The following CCDC91 variants were observed in gnomAD, a reference collection of about 807,000 sequenced individuals.
The protein encoded by CCDC91 is coiled-coil domain-containing protein 91.
Under a neutral mutation model 63.2 loss-of-function variants are expected in CCDC91, and 48 were observed. The ratio of observed to expected loss-of-function variants is 0.76; its 90% CI spans 0.60 to 0.97. CCDC91 has a LOEUF of 0.97. Ranked by LOEUF, CCDC91 falls within the 50% of genes least tolerant of loss-of-function variation. CCDC91 has a pLI of 0.00. For synonymous variants in CCDC91, 167 were observed against 165.8 expected, an observed-to-expected ratio of 1.01 and a Z score of -0.06; for missense variants, 500 against 494.6, an observed-to-expected ratio of 1.01 and a Z score of -0.10.
In CCDC91 at chr12:28,532,529, C is replaced by CA. The variant is rs527498056; in HGVS notation, c.1216-16533dup. Among the ~76,000 whole-genome samples the CA allele has an allele frequency of 1.4e-4, 22 of 151,868 alleles. No homozygotes were observed. In the South Asian group the frequency reaches 4.4e-3, roughly 30 times the overall value. ...TATTACAAGGATAAAATGGGAGAGACAGAGGGATGAATACAAAAGTTTAAG... is the reference window on the plus strand; with the variant it reads ...TATTACAAGGATAAAATGGGAGAGACAAGAGGGATGAATACAAAAGTTTAAG... On this transcript the variant is annotated intron_variant, in intron 12 of 12. Transcript: ENST00000536442.
intron 6 of CCDC91, among the ~76,000 whole-genome samples, chr12:28,362,189 T>C (rs773556624): frequency 2.0e-5 from 3 of 151,914 alleles, no homozygotes; most frequent in Non-Finnish European, 2.9e-5. Flanking sequence ...TGCCTTGTGT[T>C]ATCTCACCTC....
At chr12:28,282,356 G>A (rs183316810) in intron 3 of CCDC91, among the ~76,000 whole-genome samples, 2 of 152,134 alleles carry the variant, frequency 1.3e-5, no homozygotes, top group Non-Finnish European at 2.9e-5. Context: ...GTGAGAACAT[G>A]TAGTATTTGT....
chr12:28,295,195 G>A (rs1949489886), intron 3 of CCDC91, among the ~76,000 whole-genome samples: 2 of 152,066 alleles, frequency 1.3e-5, no homozygotes, highest in African/African-American at 4.8e-5. Context: ...CTATAAATTT[G>A]TCCTATTTTA....
chr12:28,369,990 GGAGGGGCTGCCAT>G (rs1414715723), intron 7 of CCDC91, among the ~76,000 whole-genome samples: 1 of 152,188 alleles, frequency 6.6e-6, no homozygotes, highest in Non-Finnish European at 1.5e-5. Context: ...ACGGGCTATG[GGAGGGGCTGCCAT>G]GAAGATCTTT....
At chr12:28,240,619 A>G (rs1172081467) in intron 1 of CCDC91, among the ~76,000 whole-genome samples, 1 of 152,066 alleles carries the variant, frequency 6.6e-6, no homozygotes, top group Non-Finnish European at 1.5e-5. Flanking sequence ...ATCGTGCATT[A>G]TGTGACCTTT....
At chr12:28,459,646 G>C (rs2140440416) in intron 11 of CCDC91, among the ~76,000 whole-genome samples, 1 of 152,240 alleles carries the variant, frequency 6.6e-6, no homozygotes, top group East Asian at 1.9e-4. Context: ...AATACTCTGA[G>C]AGGTCAAGGA....
intron 11 of CCDC91, among the ~76,000 whole-genome samples, chr12:28,460,466 C>A (rs574298571): frequency 6.6e-6 from 1 of 151,960 alleles, no homozygotes; most frequent in African/African-American, 2.4e-5. Flanking sequence ...TAATTTTGAC[C>A]AAGTTTTAAA....
At chr12:28,353,148 T>C (rs1016272599) in intron 6 of CCDC91, among the ~76,000 whole-genome samples, 2 of 152,220 alleles carry the variant, frequency 1.3e-5, no homozygotes, top group African/African-American at 4.8e-5. Flanking sequence ...CATGAACCAA[T>C]CTCTGATAAC....
At chr12:28,288,297 C>G (rs1334692859) in intron 3 of CCDC91, among the ~76,000 whole-genome samples, 1 of 152,132 alleles carries the variant, frequency 6.6e-6, no homozygotes, top group Non-Finnish European at 1.5e-5. Flanking sequence ...AAGGGAAATG[C>G]TTTCAGCTTT....
At chr12:28,349,318 G>T (rs1320553432) in intron 6 of CCDC91, among the ~76,000 whole-genome samples, 1 of 152,104 alleles carries the variant, frequency 6.6e-6, no homozygotes, top group East Asian at 1.9e-4. Flanking sequence ...TAGGAATAGG[G>T]CGCAAAAGGT....
intron 7 of CCDC91, among the ~76,000 whole-genome samples, chr12:28,378,764 T>C (rs929888968): frequency 1.8e-4 from 28 of 152,156 alleles, no homozygotes; most frequent in African/African-American, 6.7e-4. Flanking sequence ...GCCAATAGAG[T>C]TTGGCCCACT....
intron 11 of CCDC91, among the ~76,000 whole-genome samples, chr12:28,468,840 T>C (rs1950667442): frequency 6.6e-6 from 1 of 152,022 alleles, no homozygotes; most frequent in Admixed American, 6.6e-5. Flanking sequence ...CAAAAACCAT[T>C]TGATCATTTC....
intron 3 of CCDC91, among the ~76,000 whole-genome samples, chr12:28,275,140 A>G (rs1333168154): frequency 6.6e-6 from 1 of 152,184 alleles, no homozygotes; most frequent in African/African-American, 2.4e-5. Context: ...TGAAGGCGAT[A>G]GAGACACAAA....
chr12:28,256,369 A>G (rs959688299), intron 1 of CCDC91, among the ~76,000 whole-genome samples: 3 of 151,480 alleles, frequency 2.0e-5, no homozygotes, highest in African/African-American at 7.3e-5. Context: ...ACTTCCTCTT[A>G]CTAATTTCAC....
chr12:28,468,172 CAAAAT>C (rs1236488329), intron 11 of CCDC91, among the ~76,000 whole-genome samples: 3 of 149,860 alleles, frequency 2.0e-5, no homozygotes, highest in Non-Finnish European at 4.5e-5. Context: ...AAAAGTTAAA[CAAAAT>C]AGACAAATCT....
chr12:28,370,394 A>G (rs1280228211), intron 7 of CCDC91, among the ~76,000 whole-genome samples: 2 of 152,202 alleles, frequency 1.3e-5, no homozygotes, highest in Non-Finnish European at 2.9e-5. Context: ...AGCAAGAGTG[A>G]CATTTGCTCC....
chr12:28,381,066 G>C (rs756545343), intron 7 of CCDC91, among the ~76,000 whole-genome samples: 1 of 151,992 alleles, frequency 6.6e-6, no homozygotes, highest in African/African-American at 2.4e-5. Context: ...TAAAGATGAT[G>C]GTCTGTAAAA....
intron 3 of CCDC91, among the ~76,000 whole-genome samples, chr12:28,265,587 G>A (rs1425743170): frequency 6.6e-6 from 1 of 151,634 alleles, no homozygotes; most frequent in African/African-American, 2.4e-5. Context: ...TAGGACAACA[G>A]ATCGGTCATT....
chr12:28,525,178 GA>G (rs997866947), intron 12 of CCDC91, among the ~76,000 whole-genome samples: 1 of 151,922 alleles, frequency 6.6e-6, no homozygotes, highest in Admixed American at 6.6e-5. Flanking sequence ...CTAGTTCCTT[GA>G]GGTGTGACTT....
Sources: gnomAD v4.1 joint callset for allele counts (sites outside exome capture counted in the v4.1 genomes callset) on GRCh38, gnomAD v4.1.1 for gene constraint, MANE v1.5 for transcripts, NCBI Gene and HGNC (gene_info 2026-07-23, HGNC 2026-07-21) for gene names.